Variants in ZDHHC16 observed in about 807,000 individuals in gnomAD.
The protein encoded by ZDHHC16 is zDHHC palmitoyltransferase 16.
A neutral mutation model predicts 54.4 loss-of-function variants in ZDHHC16; 33 were observed. That is an observed-to-expected ratio of 0.61 (90% CI 0.46 to 0.81). The LOEUF is 0.81. Among genes scored for constraint, ZDHHC16 ranks in the 30% least tolerant of loss-of-function variants. ZDHHC16 has a pLI of 0.00. For missense variants in ZDHHC16, 420 were observed against 485.9 expected (o/e 0.86, Z 1.28); for synonymous variants, 185 against 182.1 (o/e 1.02, Z -0.13).
At chr10:97,455,203 C>T (rs1847054037) in intron 9 of ZDHHC16, among the ~76,000 whole-genome samples, 1 of 152,234 alleles carries the variant, frequency 6.6e-6, no homozygotes, top group South Asian at 2.1e-4. Flanking sequence ...CATGCCATCC[C>T]ATTCCAACCC....
intron 9 of ZDHHC16, 200 bp from the exon 10 acceptor site, chr10:97,455,460 C>A: frequency 2.2e-6 from 2 of 903,456 alleles, no homozygotes; most frequent in Non-Finnish European, 3.3e-6. Context: ...ATCATTTATT[C>A]TTAGGCCACT....
chr10:97,449,948 T>C (rs1210030272), intron 1 of ZDHHC16, among the ~76,000 whole-genome samples: 1 of 137,010 alleles, frequency 7.3e-6, no homozygotes, highest in Non-Finnish European at 1.5e-5. Flanking sequence ...CTCGGCTCAC[T>C]GCAAGCTCCG....
In ZDHHC16 at chr10:97,454,762, A is replaced by G. The variant is rs1238393946; in HGVS notation, c.787A>G (p.Thr263Ala). Residue 263 changes from threonine (T) to alanine (A), a missense_variant, in exon 9 of 12, where the codon ACT becomes GCT. Physicochemically the swap from Thr to Ala is moderately conservative, Grantham distance 58. Coordinates refer to ENST00000393760, the MANE Select transcript of ZDHHC16 (RefSeq NM_198046.3). ...PPTFSFRERM[T>A]HKSLVYLWFL... ...CACCTTCTCCTTTCGAGAAAGGATG[A>G]CTCACAAGAGTCTTGTCTACCTCTG... 1 of 1,614,122 alleles carries G rather than the reference A, an allele frequency of 6.2e-7. No individual in the cohort carries two copies. The highest frequency in any genetic ancestry group is 2.2e-5 in the East Asian group (1 of 44,892).
intron 8 of ZDHHC16, 51 bp downstream of exon 8, chr10:97,453,897 G>A (rs745559413): frequency 6.2e-7 from 1 of 1,612,798 alleles, no homozygotes; most frequent in East Asian, 2.2e-5. Flanking sequence ...TGGGGGTATA[G>A]AGTTGCTAAG....
chr10:97,453,669 C>G lies in ZDHHC16; in HGVS notation c.690+6C>G. On this transcript the variant is annotated splice_donor_region_variant and intron_variant, in intron 7 of 11. Transcript: ENST00000393760. The stretch of plus-strand genomic sequence containing the variant: ...AGGCTTATGCTGCCATTGAGGTGAG[C>G]TCATCAGGAACAGGGCAGCTCAGTA... The G allele has an allele frequency of 6.2e-7, 1 of 1,614,176 alleles. No individual in the cohort carries two copies. The highest frequency in any genetic ancestry group is 8.5e-7 in the Non-Finnish European group (1 of 1,180,024).
At chr10:97,451,258 A>C (rs1846579161) in intron 2 of ZDHHC16, 1 of 182,716 alleles carries the variant, frequency 5.5e-6, no homozygotes, top group Non-Finnish European at 1.2e-5. Context: ...CCATGCCCAG[A>C]GACACAGTGG....
chr10:97,452,865 C>T (rs746701763), intron 5 of ZDHHC16, 30 bp from the exon 6 acceptor site: 61 of 1,614,082 alleles, frequency 3.8e-5, no homozygotes, highest in African/African-American at 8.0e-5. Flanking sequence ...CTTTGGCCAC[C>T]GTAACAGAGC....
At position 97,452,427 on chromosome 10, in the gene ZDHHC16, A is replaced by G. The variant is rs1011533975; in HGVS notation, c.451A>G (p.Ile151Val). The G allele has an allele frequency of 6.2e-7, 1 of 1,614,028 alleles. No individual in the cohort carries two copies. The highest frequency in any genetic ancestry group is 1.3e-5 in the African/African-American group (1 of 74,920). ...PGYPPQGRND[I>V]ATVSICKKCI... ...TCCCTTCACACAGGGCAGGAATGAT[A>G]TCGCCACCGTCTCCATCTGTAAGAA... is the stretch of plus-strand genomic sequence containing the variant. The change falls in exon 5 of 12, where the codon ATC becomes GTC. Residue 151 changes from isoleucine (I) to valine (V), a missense_variant. Transcript: ENST00000393760.
chr10:97,446,327 G>T lies in ZDHHC16; in HGVS notation c.-212G>T, dbSNP rs964845786. 2 of 430,788 alleles carry T rather than the reference G, an allele frequency of 4.6e-6. No homozygotes were observed. The highest frequency in any genetic ancestry group is 9.6e-5 in the East Asian group (2 of 20,730). The allele number at this position is 430,788 out of a possible 1,614,324, so 26.7% of individuals were successfully genotyped here. On this transcript the variant is annotated 5_prime_UTR_variant, in exon 1 of 12. Transcript: ENST00000393760. ...GGCAGAGGCTACGGGGCTCGGTTTG[G>T]CTGACTGGGGAGTCGGCAGGCGGCA...
At chr10:97,456,666 G>A in intron 11 of ZDHHC16, 111 bp from the exon 12 acceptor site, 1 of 718,612 alleles carries the variant, frequency 1.4e-6, no homozygotes, top group Non-Finnish European at 2.2e-6. Flanking sequence ...TTACTTTCAT[G>A]ATTGACACCG....
At chr10:97,449,100 A>T (rs1026994807) in intron 1 of ZDHHC16, among the ~76,000 whole-genome samples, 19 of 152,194 alleles carry the variant, frequency 1.2e-4, no homozygotes, top group African/African-American at 4.6e-4. Context: ...AGGTTACGGA[A>T]CTGCTTAGGG....
intron 2 of ZDHHC16, 143 bp from the exon 3 acceptor site, chr10:97,451,524 ACCTT>A: frequency 8.9e-7 from 1 of 1,121,758 alleles, no homozygotes; most frequent in South Asian, 1.6e-5. Context: ...AAGTGAAGTA[ACCTT>A]CCTACTTCTC....
rs1847344783 is a variant in ZDHHC16, at chr10:97,457,053, G to A, written c.*162G>A. On this transcript the variant is annotated 3_prime_UTR_variant, in exon 12 of 12. Transcript: ENST00000393760. Reference sequence around the variant, plus strand: ...TTCAAGGACCAGCCTTTTTACCACTGCAGAAGAAAGACACAATGTGGAGAA... The same window carrying A: ...TTCAAGGACCAGCCTTTTTACCACTACAGAAGAAAGACACAATGTGGAGAA... 6 of 454,834 alleles carry A rather than the reference G, an allele frequency of 1.3e-5. No individual in the cohort carries two copies. The highest frequency in any genetic ancestry group is 2.3e-5 in the Non-Finnish European group (6 of 257,282). The allele number at this position is 454,834 out of a possible 1,614,324, so 28.2% of individuals were successfully genotyped here.
intron 6 of ZDHHC16, 122 bp downstream of exon 6, chr10:97,453,045 C>G (rs1271607055): frequency 2.3e-6 from 3 of 1,276,934 alleles, no homozygotes; most frequent in Admixed American, 3.5e-5. Flanking sequence ...GTTGTGGGGC[C>G]TGACCATCTC....
intron 6 of ZDHHC16, 63 bp from the exon 7 acceptor site, chr10:97,453,467 T>C (rs1846843870): frequency 1.3e-6 from 2 of 1,585,072 alleles, no homozygotes; most frequent in South Asian, 1.1e-5. Context: ...GGGATGAACC[T>C]GAGGGGCCTG....
Position 97,456,794 on chromosome 10 carries a change from T to C in ZDHHC16, c.1037T>C (p.Val346Ala). 1 of 1,612,808 alleles carries C rather than the reference T, an allele frequency of 6.2e-7. No individual in the cohort carries two copies. Among genetic ancestry groups the C allele is most frequent in the Non-Finnish European group, 8.5e-7 (1 of 1,179,054 alleles). The change falls in exon 12 of 12, where the codon GTG becomes GCG. Residue 346 changes from valine (V) to alanine (A), a missense_variant. Val to Ala is a moderately conservative substitution (Grantham distance 64). Transcript: ENST00000393760. ...TCTTCTAGGCACTGGCTTACTCGGG[T>C]GCTCTTACCTTCTAGTCACTTGCCC... ...VDTGRHWLTR[V>A]LLPSSHLPHG...
intron 8 of ZDHHC16, 28 bp downstream of exon 8, chr10:97,453,874 T>G (rs547116259): frequency 6.2e-7 from 1 of 1,614,024 alleles, no homozygotes; most frequent in Non-Finnish European, 8.5e-7. Context: ...CACTGCCTCC[T>G]GCTGCTCAGG....
intron 8 of ZDHHC16, among the ~76,000 whole-genome samples, chr10:97,454,235 C>G (rs1185405780): frequency 5.3e-5 from 8 of 152,190 alleles, no homozygotes; most frequent in Non-Finnish European, 1.2e-4. Context: ...ATCCCTGCCC[C>G]CCCAGTACCT....
rs1846650880 is a variant in ZDHHC16, at chr10:97,451,833, C to T, written c.158C>T (p.Ser53Phe). The change falls in exon 3 of 12, where the codon TCC (serine) becomes TTC (phenylalanine). Residue 53 changes from serine to phenylalanine, a missense_variant. Ser to Phe is a radical substitution (Grantham distance 155). Transcript: ENST00000393760. ...TGCCTGCGCTCCCTGCTCTACAACT[C>T]CTTTGGGGGCAGTGACACCGCTGTT... The part of the protein sequence containing the change: ...KVCLRSLLYN[S>F]FGGSDTAVDA... The T allele has an allele frequency of 6.2e-7, 1 of 1,614,234 alleles. No individual in the cohort carries two copies. The highest frequency in any genetic ancestry group is 8.5e-7 in the Non-Finnish European group (1 of 1,180,052).
Sources: gnomAD v4.1 joint callset for allele counts (sites outside exome capture counted in the v4.1 genomes callset) on GRCh38, gnomAD v4.1.1 for gene constraint, MANE v1.5 for transcripts, NCBI Gene and HGNC (gene_info 2026-07-23, HGNC 2026-07-21) for gene names.